The following WDHD1 variants were observed in gnomAD, a reference collection of about 807,000 sequenced individuals.
The protein encoded by WDHD1 is WD repeat and HMG-box DNA-binding protein 1.
A neutral mutation model predicts 135.4 loss-of-function variants in WDHD1; 111 were observed. The observed-to-expected ratio is 0.82, with a 90% CI of 0.70 to 0.96. The LOEUF is 0.96. Ranked by LOEUF, WDHD1 falls within the 40% of genes least tolerant of loss-of-function variation. The probability of loss-of-function intolerance (pLI) is 0.00; values close to 1 mark genes in which losing one functional copy is unlikely to be tolerated. For synonymous variants in WDHD1, 434 were observed against 439.0 expected (o/e 0.99, Z 0.14); for missense variants, 1,351 against 1,336.3 (o/e 1.01, Z -0.17).
rs913726764 is a variant in WDHD1 at position 54,942,934 on chromosome 14, C to T, written c.3190-1244G>A. The stretch of plus-strand genomic sequence containing the variant: ...CAGTGTAAAGTCTTATTTATTTAGA[C>T]GCCATTTTATTGAACAACAAATGAG... On this transcript the variant is annotated intron_variant, in intron 25 of 25. Transcript: ENST00000360586. Among the ~76,000 whole-genome samples the T allele has an allele frequency of 5.9e-5, 9 of 152,280 alleles. No homozygotes were observed. In the East Asian group the frequency reaches 7.7e-4, roughly 13 times the overall value.
rs1336954845 is a variant in WDHD1 at position 55,005,225 on chromosome 14, C to T, written c.600+2055G>A. ...GCATGGGATGGTAGTGTCCACATAGCACAGAGGAAAATCTGTGTGACACAG... is the reference window on the plus strand; with the variant it reads ...GCATGGGATGGTAGTGTCCACATAGTACAGAGGAAAATCTGTGTGACACAG... On this transcript the variant is annotated intron_variant, in intron 7 of 25. Transcript: ENST00000360586. The T allele has an allele frequency of 1.5e-5, 8 of 538,970 alleles. No individual in the cohort carries two copies. In the East Asian group the frequency reaches 3.4e-4, roughly 23 times the overall value. 33.4% of individuals were successfully genotyped at this position (538,970 alleles called of 1,614,324 possible).
intron 24 of WDHD1, 27 bp from the exon 25 acceptor site, chr14:54,944,497 T>C (rs752077765): frequency 1.2e-4 from 185 of 1,559,238 alleles, no homozygotes; most frequent in Non-Finnish European, 1.5e-4. Context: ...GTGAAAACAT[T>C]TTATACTTAA....
chr14:54,980,794 A>G (rs530278332), intron 16 of WDHD1, among the ~76,000 whole-genome samples: 152 of 118,342 alleles, frequency 1.3e-3, no homozygotes, highest in African/African-American at 5.1e-3. Context: ...ACAGAGTGAG[A>G]CTCCACATAA....
intron 16 of WDHD1, among the ~76,000 whole-genome samples, chr14:54,977,279 A>G (rs2041540810): frequency 6.6e-6 from 1 of 152,344 alleles, no homozygotes; most frequent in East Asian, 1.9e-4. Flanking sequence ...TAAAGTGTCT[A>G]GGAATGCACA....
At chr14:54,967,570 A>G (rs1033421061) in intron 16 of WDHD1, among the ~76,000 whole-genome samples, 176 bp from the exon 17 acceptor site, 5 of 152,228 alleles carry the variant, frequency 3.3e-5, no homozygotes, top group African/African-American at 1.2e-4. Flanking sequence ...CTAGGCATAA[A>G]GACTATCCCT....
At chr14:54,974,497 T>TG (rs1566720825) in intron 16 of WDHD1, among the ~76,000 whole-genome samples, 5 of 150,824 alleles carry the variant, frequency 3.3e-5, no homozygotes, top group Admixed American at 2.0e-4. Flanking sequence ...TGTTTTGTTT[T>TG]TTTTTTTTTT....
intron 16 of WDHD1, among the ~76,000 whole-genome samples, chr14:54,971,864 C>T (rs1004155493): frequency 6.6e-6 from 1 of 151,666 alleles, no homozygotes; most frequent in Non-Finnish European, 1.5e-5. Flanking sequence ...AAAAAGTGGG[C>T]AAAGGACATG....
rs914802960 is a variant in WDHD1 at position 55,007,215 on chromosome 14, G to C, written c.600+65C>G. 4 of 1,243,630 alleles carry C rather than the reference G, an allele frequency of 3.2e-6. No individual in the cohort carries two copies. The African/African-American group carries it at 6.5e-5, about 20-fold the overall frequency. 77.0% of individuals were successfully genotyped at this position (1,243,630 alleles called of 1,614,324 possible). A position where few individuals can be genotyped will look rare whatever the true frequency, so the allele number is the denominator to read the frequency against. ...TGCACTCCAGCATGGGAGACAGAGTGAGACTCCATCTCTAATAAAAAAAAA... is the reference window on the plus strand; with the variant it reads ...TGCACTCCAGCATGGGAGACAGAGTCAGACTCCATCTCTAATAAAAAAAAA... On this transcript the variant is annotated intron_variant, in intron 7 of 25. Coordinates refer to ENST00000360586, the MANE Select transcript of WDHD1 (RefSeq NM_007086.4).
intron 25 of WDHD1, among the ~76,000 whole-genome samples, chr14:54,942,558 G>A (rs762245654): frequency 2.0e-5 from 3 of 152,010 alleles, no homozygotes; most frequent in Non-Finnish European, 2.9e-5. Context: ...CCCCAACTCC[G>A]ACTCCAACCC....
chr14:54,965,021 A>G (rs766833112), intron 18 of WDHD1, among the ~76,000 whole-genome samples: 2 of 152,372 alleles, frequency 1.3e-5, no homozygotes, highest in South Asian at 2.1e-4. Context: ...TAAAGGTGAC[A>G]GTAGTGAGTA....
At chr14:54,958,251 C>T (rs1421578291) in intron 21 of WDHD1, among the ~76,000 whole-genome samples, 3 of 151,866 alleles carry the variant, frequency 2.0e-5, no homozygotes, top group African/African-American at 4.8e-5. Flanking sequence ...CTCAGCCTCC[C>T]GAATTGCTGG....
Position 54,995,669 on chromosome 14 carries a change from G to A in WDHD1, c.1087C>T (p.Leu363Phe). ...IINDDEDDED[L>F]MMASGRPRQR... ...CTAGGACGACCTGAAGCCATCATGAGGTCTTCATCATCCTCATCATCATTT... is the reference window on the plus strand; with the variant it reads ...CTAGGACGACCTGAAGCCATCATGAAGTCTTCATCATCCTCATCATCATTT... Residue 363 changes from leucine (L) to phenylalanine (F), a missense_variant, in exon 11 of 26, where the codon CTC (leucine) becomes TTC (phenylalanine). Coordinates refer to ENST00000360586, the MANE Select transcript of WDHD1 (RefSeq NM_007086.4). The A allele has an allele frequency of 6.2e-7, 1 of 1,613,580 alleles. No individual in the cohort carries two copies. Among genetic ancestry groups the A allele is most frequent in the Non-Finnish European group, 8.5e-7 (1 of 1,179,822 alleles).
At chr14:55,015,665 TGA>T (rs2042249060) in intron 2 of WDHD1, among the ~76,000 whole-genome samples, 1 of 151,988 alleles carries the variant, frequency 6.6e-6, no homozygotes, top group Non-Finnish European at 1.5e-5. Context: ...CCAATGGTGA[TGA>T]GAGAAGTATT....
intron 2 of WDHD1, among the ~76,000 whole-genome samples, chr14:55,022,469 T>C (rs1594599154): frequency 6.6e-6 from 1 of 152,116 alleles, no homozygotes; most frequent in Admixed American, 6.5e-5. Context: ...TTAGTCTACA[T>C]TAAAAACCTG....
Position 54,940,206 on chromosome 14 carries a change from A to G in WDHD1, c.*1284T>C, listed in dbSNP as rs2040818798. On this transcript the variant is annotated 3_prime_UTR_variant, in exon 26 of 26. Transcript: ENST00000360586. ...ATCCATTTTACAGATGAGTGAATGA[A>G]GGCTAGAATTTGGGTCACCGGCCCA... The G allele has an allele frequency of 1.3e-5, 2 of 152,232 alleles. No homozygotes were observed. The highest frequency in any genetic ancestry group is 2.9e-5 in the Non-Finnish European group (2 of 68,040). The allele number at this position is 152,232 out of a possible 1,614,324, so 9.4% of individuals were successfully genotyped here. A position where few individuals can be genotyped will look rare whatever the true frequency, so the allele number is the denominator to read the frequency against.
At chr14:55,026,333 A>C (rs2042440340) in intron 2 of WDHD1, among the ~76,000 whole-genome samples, 1 of 152,228 alleles carries the variant, frequency 6.6e-6, no homozygotes, top group Non-Finnish European at 1.5e-5. Flanking sequence ...AAAAAAAATA[A>C]GCAAAAAGGG....
intron 18 of WDHD1, among the ~76,000 whole-genome samples, chr14:54,966,164 T>TAA (rs34071862): frequency 0.49 from 32,960 of 66,868 alleles, 8,531 homozygotes; most frequent in Middle Eastern, 0.71. Flanking sequence ...CCATCTCTAC[T>TAA]AAAAAAAAAA....
chr14:55,026,960 C>G (rs2042458317), intron 1 of WDHD1, 68 bp downstream of exon 1: 1 of 657,176 alleles, frequency 1.5e-6, no homozygotes, highest in African/African-American at 1.8e-5. Flanking sequence ...GAGGGTCTGT[C>G]AGACAATAAG....
chr14:54,956,993 C>A (rs201557672), intron 23 of WDHD1, 41 bp downstream of exon 23: 77 of 1,589,382 alleles, frequency 4.8e-5, no homozygotes, highest in African/African-American at 8.1e-5. Flanking sequence ...ACAAACAGAT[C>A]CCATGCTGCT....
Sources: allele counts gnomAD v4.1 joint callset (sites outside exome capture counted in the v4.1 genomes callset), GRCh38; gene constraint gnomAD v4.1.1; transcripts MANE v1.5; gene names NCBI Gene and HGNC (gene_info 2026-07-23, HGNC 2026-07-21).